Variants in MTHFD1L observed in about 807,000 individuals in gnomAD.
MTHFD1L encodes the protein methylenetetrahydrofolate dehydrogenase (NADP+ dependent) 1 like, also known as monofunctional C1-tetrahydrofolate synthase, mitochondrial.
A neutral mutation model predicts 119.5 loss-of-function variants in MTHFD1L; 81 were observed. The observed-to-expected ratio is 0.68, with a 90% CI of 0.57 to 0.82. The LOEUF is 0.82. Among genes scored for constraint, MTHFD1L ranks in the 40% least tolerant of loss-of-function variants. The probability of loss-of-function intolerance (pLI) is 0.00; values close to 1 mark genes in which losing one functional copy is unlikely to be tolerated. For synonymous variants in MTHFD1L, 430 were observed against 475.2 expected (o/e 0.90, Z 1.24); for missense variants, 1,125 against 1,253.4 (o/e 0.90, Z 1.55).
At chr6:150,882,701 C>T in intron 4 of MTHFD1L, 61 bp from the exon 5 acceptor site, 1 of 1,238,810 alleles carries the variant, frequency 8.1e-7, no homozygotes, top group Non-Finnish European at 1.1e-6. Flanking sequence ...ATAAAGCTTC[C>T]TTTGTTGGGT....
At chr6:150,879,396 T>C (rs949578934) in intron 4 of MTHFD1L, among the ~76,000 whole-genome samples, 18 of 152,050 alleles carry the variant, frequency 1.2e-4, no homozygotes, top group Non-Finnish European at 2.2e-4. Context: ...CAAGTCATTC[T>C]CCTGCCTCAG....
intron 24 of MTHFD1L, among the ~76,000 whole-genome samples, chr6:151,021,814 T>C (rs1165125899): frequency 3.9e-5 from 6 of 152,242 alleles, no homozygotes; most frequent in Non-Finnish European, 5.9e-5. Flanking sequence ...AGTGATATCA[T>C]AAAACATCAG....
At chr6:151,025,031 A>C (rs912267592) in intron 24 of MTHFD1L, among the ~76,000 whole-genome samples, 3 of 152,142 alleles carry the variant, frequency 2.0e-5, no homozygotes, top group African/African-American at 4.8e-5. Flanking sequence ...ACACTATTCT[A>C]TTTGAGAGTA....
intron 24 of MTHFD1L, among the ~76,000 whole-genome samples, chr6:151,016,945 T>C (rs1343431976): frequency 6.6e-6 from 1 of 151,604 alleles, no homozygotes; most frequent in East Asian, 2.0e-4. Flanking sequence ...GCTAATTTCT[T>C]TTTTATTTTA....
At chr6:151,044,908 G>A (rs531476721) in intron 26 of MTHFD1L, among the ~76,000 whole-genome samples, 5 of 152,298 alleles carry the variant, frequency 3.3e-5, no homozygotes, top group South Asian at 2.1e-4. Flanking sequence ...CTGCGGCCCC[G>A]GCCCGTGGAC....
chr6:150,935,353 A>T, intron 11 of MTHFD1L: 10 of 1,613,698 alleles, frequency 6.2e-6, no homozygotes, highest in Non-Finnish European at 8.5e-6. Context: ...GAGTCCCTGT[A>T]CTTATAGTTG....
intron 24 of MTHFD1L, among the ~76,000 whole-genome samples, chr6:151,020,154 G>A (rs529920186): frequency 1.7e-4 from 26 of 152,302 alleles, no homozygotes; most frequent in African/African-American, 6.3e-4. Context: ...AAGACTAATG[G>A]CATCTTGTGT....
At chr6:150,893,662 T>C (rs1005717586) in intron 7 of MTHFD1L, among the ~76,000 whole-genome samples, 4 of 152,154 alleles carry the variant, frequency 2.6e-5, no homozygotes, top group African/African-American at 9.7e-5. Context: ...TCGGTGTGAC[T>C]GTGTAACACT....
At chr6:150,918,147 C>A (rs528776225) in intron 8 of MTHFD1L, among the ~76,000 whole-genome samples, 32 of 148,244 alleles carry the variant, frequency 2.2e-4, no homozygotes, top group Admixed American at 7.5e-4. Context: ...CTCACTGCAA[C>A]CTCCACCTTC....
chr6:151,101,091 G>A (rs1455067511), intron 27 of MTHFD1L, among the ~76,000 whole-genome samples: 3 of 151,904 alleles, frequency 2.0e-5, no homozygotes, highest in Non-Finnish European at 2.9e-5. Context: ...CCCGGGAGAC[G>A]GAGGTTGCAG....
chr6:150,908,629 CA>C (rs986011375), intron 8 of MTHFD1L, among the ~76,000 whole-genome samples: 2 of 135,236 alleles, frequency 1.5e-5, no homozygotes, highest in Non-Finnish European at 3.2e-5. Context: ...TTTTTTTTCT[CA>C]AAAAAAAAGA....
chr6:151,034,180 A>G (rs527520420), intron 24 of MTHFD1L, among the ~76,000 whole-genome samples: 1 of 152,100 alleles, frequency 6.6e-6, no homozygotes, highest in Non-Finnish European at 1.5e-5. Context: ...AAAAAAAAAG[A>G]AATTATAGTA....
intron 26 of MTHFD1L, among the ~76,000 whole-genome samples, chr6:151,076,393 T>C (rs1792519646): frequency 6.6e-6 from 1 of 152,034 alleles, no homozygotes; most frequent in African/African-American, 2.4e-5. Context: ...CTCACAGCTG[T>C]AATTGCATCA....
intron 20 of MTHFD1L, among the ~76,000 whole-genome samples, chr6:150,983,264 C>CT (rs11404676): frequency 0.14 from 21,042 of 152,148 alleles, 2,497 homozygotes; most frequent in East Asian, 0.54. Flanking sequence ...CTTGTCCACC[C>CT]TTTTCTTTAT....
intron 20 of MTHFD1L, among the ~76,000 whole-genome samples, chr6:151,003,823 T>G (rs1280566976): frequency 1.3e-5 from 2 of 152,112 alleles, no homozygotes; most frequent in Non-Finnish European, 2.9e-5. Flanking sequence ...AACCCTGGGC[T>G]GGGCATCAGA....
Position 150,971,988 on chromosome 6 carries a change from T to C in MTHFD1L, c.2055T>C (p.Ile685=). 1.2e-6 allele frequency: 2 copies of C among 1,614,196 alleles called. No individual in the cohort carries two copies. The highest frequency in any genetic ancestry group is 1.1e-5 in the South Asian group (1 of 91,082). Residue 685 remains isoleucine, a synonymous_variant, in exon 20 of 28, where the codon ATT becomes ATC. Transcript: ENST00000367321. ...TGCATGCGGGCCCTTTTGCTAACATTGCTCACGGCAACTCTTCAGTGTTGG... is the reference window on the plus strand; with the variant it reads ...TGCATGCGGGCCCTTTTGCTAACATCGCTCACGGCAACTCTTCAGTGTTGG... The part of the protein sequence containing the change: ...VFVHAGPFAN[I]AHGNSSVLAD...
intron 26 of MTHFD1L, among the ~76,000 whole-genome samples, chr6:151,047,614 A>G (rs1313293367): frequency 6.6e-6 from 1 of 152,226 alleles, no homozygotes; most frequent in Non-Finnish European, 1.5e-5. Flanking sequence ...AGCTGGGAAC[A>G]AAAAGAGCCA....
intron 24 of MTHFD1L, among the ~76,000 whole-genome samples, chr6:151,020,744 T>G (rs532389658): frequency 2.6e-5 from 4 of 152,350 alleles, no homozygotes; most frequent in African/African-American, 9.6e-5. Flanking sequence ...AAAGTCCCCC[T>G]CAAGATCATC....
At chr6:151,048,457 G>A (rs1788453902) in intron 26 of MTHFD1L, among the ~76,000 whole-genome samples, 1 of 152,192 alleles carries the variant, frequency 6.6e-6, no homozygotes, top group Non-Finnish European at 1.5e-5. Flanking sequence ...GGGAAGTCCA[G>A]TGTAGAACAT....
Sources: allele counts gnomAD v4.1 joint callset (sites outside exome capture counted in the v4.1 genomes callset), GRCh38; gene constraint gnomAD v4.1.1; transcripts MANE v1.5; gene names NCBI Gene and HGNC (gene_info 2026-07-23, HGNC 2026-07-21).